The following LDLRAD4 variants were observed in gnomAD, a reference collection of about 807,000 sequenced individuals.
LDLRAD4 encodes the protein low-density lipoprotein receptor class A domain-containing protein 4.
In LDLRAD4, 5 loss-of-function variants were observed where a neutral mutation model predicts 17.0. That is an observed-to-expected ratio of 0.29 (90% CI 0.15 to 0.62). The LOEUF is 0.62. LDLRAD4 is among the 20% of genes least tolerant of loss of function. The probability of loss-of-function intolerance (pLI) is 0.84; values close to 1 mark genes in which losing one functional copy is unlikely to be tolerated. For missense variants in LDLRAD4, 340 were observed against 424.7 expected, an observed-to-expected ratio of 0.80 and a Z score of 1.75; for synonymous variants, 168 against 171.8, an observed-to-expected ratio of 0.98 and a Z score of 0.17.
intron 3 of LDLRAD4, among the ~76,000 whole-genome samples, chr18:13,507,910 T>A (rs2147403905): frequency 6.6e-6 from 1 of 152,346 alleles, no homozygotes; most frequent in South Asian, 2.1e-4. Flanking sequence ...ATGATTAAAC[T>A]TAGTGAGGAA....
intron 1 of LDLRAD4, chr18:13,280,216 C>T (rs933585608): frequency 2.0e-5 from 3 of 152,212 alleles, no homozygotes; most frequent in Admixed American, 1.3e-4. Context: ...TGCCATATGG[C>T]GTTTGTGTGG....
At chr18:13,555,974 G>A (rs1449739810) in intron 3 of LDLRAD4, among the ~76,000 whole-genome samples, 6 of 152,120 alleles carry the variant, frequency 3.9e-5, no homozygotes, top group African/African-American at 1.4e-4. Flanking sequence ...TCTGTGGTAA[G>A]CATTAGATTT....
chr18:13,233,134 C>G (rs986123777), intron 1 of LDLRAD4, among the ~76,000 whole-genome samples: 1 of 152,268 alleles, frequency 6.6e-6, no homozygotes, highest in Non-Finnish European at 1.5e-5. Context: ...GGCGCCACCT[C>G]TTTGCAGGCG....
At chr18:13,395,468 T>G (rs972821118) in intron 2 of LDLRAD4, among the ~76,000 whole-genome samples, 8 of 5,196 alleles carry the variant, frequency 1.5e-3, no homozygotes, top group East Asian at 9.7e-3. Context: ...GGCGTGGGGG[T>G]GGGGGCTGGC....
intron 3 of LDLRAD4, among the ~76,000 whole-genome samples, chr18:13,483,708 T>A (rs891280734): frequency 1.3e-5 from 2 of 152,200 alleles, no homozygotes; most frequent in African/African-American, 4.8e-5. Context: ...AGGGTAGACG[T>A]TATCTCCACT....
intron 1 of LDLRAD4, among the ~76,000 whole-genome samples, chr18:13,379,242 A>C (rs1168419085): frequency 3.3e-5 from 5 of 152,088 alleles, no homozygotes; most frequent in Non-Finnish European, 5.9e-5. Context: ...TGTTTGAAAC[A>C]GTGTGGGGCT....
At chr18:13,235,323 G>A (rs1428084820) in intron 1 of LDLRAD4, among the ~76,000 whole-genome samples, 2 of 152,070 alleles carry the variant, frequency 1.3e-5, no homozygotes, top group African/African-American at 2.4e-5. Flanking sequence ...CTCTTTAGAC[G>A]AGATGTCTCT....
intron 1 of LDLRAD4, among the ~76,000 whole-genome samples, chr18:13,263,488 C>T (rs2044035379): frequency 6.6e-6 from 1 of 152,166 alleles, no homozygotes; most frequent in Non-Finnish European, 1.5e-5. Flanking sequence ...CAGAGCTGTG[C>T]AGTGAGGCAG....
chr18:13,381,395 CCT>C (rs745484321), intron 1 of LDLRAD4, among the ~76,000 whole-genome samples: 2 of 152,060 alleles, frequency 1.3e-5, no homozygotes, highest in East Asian at 1.9e-4. Context: ...GCCCATTTGC[CCT>C]CTCTCTCGGC....
At chr18:13,359,900 T>G (rs1244965011) in intron 1 of LDLRAD4, among the ~76,000 whole-genome samples, 1 of 152,256 alleles carries the variant, frequency 6.6e-6, no homozygotes, top group African/African-American at 2.4e-5. Context: ...GGCTTATGTG[T>G]TTCAAAGATT....
intron 1 of LDLRAD4, among the ~76,000 whole-genome samples, chr18:13,243,915 C>G (rs1157181198): frequency 7.2e-6 from 1 of 138,800 alleles, no homozygotes; most frequent in Non-Finnish European, 1.5e-5. Flanking sequence ...ATCCATGCAC[C>G]TATGCACCCA....
chr18:13,456,573 A>G (rs1297116416), intron 3 of LDLRAD4, among the ~76,000 whole-genome samples: 1 of 152,186 alleles, frequency 6.6e-6, no homozygotes. Context: ...TTACTAGATT[A>G]TGAGTAAATC....
intron 3 of LDLRAD4, chr18:13,520,259 C>G (rs1005072871): frequency 3.3e-5 from 5 of 152,188 alleles, no homozygotes; most frequent in African/African-American, 1.2e-4. Flanking sequence ...TTCAGCTTCC[C>G]CTGAAAGTTG....
At chr18:13,541,276 G>A (rs538265869) in intron 3 of LDLRAD4, among the ~76,000 whole-genome samples, 13 of 152,326 alleles carry the variant, frequency 8.5e-5, no homozygotes, top group Admixed American at 5.2e-4. Flanking sequence ...AGTGAAATGC[G>A]TGGTCCACTT....
intron 3 of LDLRAD4, among the ~76,000 whole-genome samples, chr18:13,483,674 C>T (rs541095580): frequency 6.6e-6 from 1 of 152,294 alleles, no homozygotes; most frequent in South Asian, 2.1e-4. Flanking sequence ...CGTGTTGTAT[C>T]ATTTAATCTT....
At chr18:13,534,183 C>T (rs969677186) in intron 3 of LDLRAD4, among the ~76,000 whole-genome samples, 2 of 152,192 alleles carry the variant, frequency 1.3e-5, no homozygotes, top group Non-Finnish European at 2.9e-5. Context: ...TCTGCACTTC[C>T]CTGTAACTCT....
At chr18:13,543,484 G>C (rs1448391704) in intron 3 of LDLRAD4, 1 of 152,180 alleles carries the variant, frequency 6.6e-6, no homozygotes, top group Non-Finnish European at 1.5e-5. Context: ...TGCAATTTAA[G>C]AGTCTAAAAG....
intron 4 of LDLRAD4, among the ~76,000 whole-genome samples, chr18:13,632,777 G>A (rs1194726899): frequency 6.6e-6 from 1 of 152,244 alleles, no homozygotes; most frequent in Admixed American, 6.5e-5. Flanking sequence ...ATGGACAACT[G>A]GTGGGTGAGA....
intron 3 of LDLRAD4, among the ~76,000 whole-genome samples, chr18:13,512,781 G>A (rs1293150432): frequency 2.6e-5 from 4 of 152,172 alleles, no homozygotes; most frequent in South Asian, 2.1e-4. Context: ...ACTAGGTTCC[G>A]ATACTGTCCT....
Sources: gnomAD v4.1 joint callset for allele counts (sites outside exome capture counted in the v4.1 genomes callset) on GRCh38, gnomAD v4.1.1 for gene constraint, MANE v1.5 for transcripts, NCBI Gene and HGNC (gene_info 2026-07-23, HGNC 2026-07-21) for gene names.